GNAL: variants seen among roughly 807,000 people sequenced by gnomAD.
The protein encoded by GNAL is G protein subunit alpha L.
GNAL carries 18 observed loss-of-function variants against 55.1 expected under a neutral mutation model. The observed-to-expected ratio is 0.33, with a 90% CI of 0.23 to 0.48. GNAL has a LOEUF of 0.48. Among genes scored for constraint, GNAL ranks in the 20% least tolerant of loss-of-function variants. GNAL has a pLI of 0.99. For missense variants in GNAL, 412 were observed against 614.1 expected (o/e 0.67, Z 3.48); for synonymous variants, 253 against 237.0 (o/e 1.07, Z -0.62).
intron 1 of GNAL, among the ~76,000 whole-genome samples, chr18:11,744,439 A>C (rs534238303): frequency 6.6e-6 from 1 of 152,354 alleles, no homozygotes; most frequent in East Asian, 1.9e-4. Context: ...AGTGTACTAT[A>C]ATTAGGTCAC....
chr18:11,879,269 C>T (rs967822318), intron 11 of GNAL, among the ~76,000 whole-genome samples: 3 of 151,748 alleles, frequency 2.0e-5, no homozygotes, highest in Non-Finnish European at 4.4e-5. Context: ...TTCTGTGGTC[C>T]AAGCAGCTCT....
intron 1 of GNAL, among the ~76,000 whole-genome samples, chr18:11,748,710 A>G (rs2051424503): frequency 6.6e-6 from 1 of 152,280 alleles, no homozygotes; most frequent in Admixed American, 6.5e-5. Flanking sequence ...TAAGTTTTCA[A>G]GGGATTTATT....
chr18:11,828,789 C>G, intron 5 of GNAL, among the ~76,000 whole-genome samples: 1 of 152,132 alleles, frequency 6.6e-6, no homozygotes, highest in East Asian at 1.9e-4. Context: ...ATAGGCAGAT[C>G]GGAATTCAGA....
intron 1 of GNAL, among the ~76,000 whole-genome samples, chr18:11,702,765 A>T (rs2031603640): frequency 6.6e-6 from 1 of 151,548 alleles, no homozygotes; most frequent in Non-Finnish European, 1.5e-5. Flanking sequence ...TGCCCCAGTG[A>T]GAAGGGAGGC....
At chr18:11,711,387 A>G (rs2031836562) in intron 1 of GNAL, among the ~76,000 whole-genome samples, 1 of 151,424 alleles carries the variant, frequency 6.6e-6, no homozygotes, top group Admixed American at 6.6e-5. Flanking sequence ...GGCTATCTTC[A>G]ATTTTTCATT....
rs1247652868 is a variant in GNAL, at chr18:11,752,064, G to A, written c.377-789G>A. ...GGCGGGGCTGAGCGAGGCTTGGAGTGCGGGCGAAGGGACGTGGGGCGAACC... is the reference window on the plus strand; with the variant it reads ...GGCGGGGCTGAGCGAGGCTTGGAGTACGGGCGAAGGGACGTGGGGCGAACC... On this transcript the variant is annotated intron_variant, in intron 1 of 11. Coordinates refer to ENST00000334049, the MANE Select transcript of GNAL (RefSeq NM_182978.4). This position sits in a 1 kb window ranked among gnomAD's most constrained non-coding sequence, Gnocchi z 4.5. The A allele has an allele frequency of 1.9e-5, 3 of 158,360 alleles. No homozygotes were observed. The highest frequency in any genetic ancestry group is 1.3e-4 in the Admixed American group (2 of 15,398). 9.8% of individuals were successfully genotyped at this position (158,360 alleles called of 1,614,324 possible).
chr18:11,726,963 A>G (rs2032226495), intron 1 of GNAL, among the ~76,000 whole-genome samples: 1 of 151,668 alleles, frequency 6.6e-6, no homozygotes, highest in African/African-American at 2.4e-5. Context: ...GTTAGAAAAC[A>G]TTTGAGATCA....
At chr18:11,741,093 A>G (rs904433165) in intron 1 of GNAL, among the ~76,000 whole-genome samples, 2 of 152,256 alleles carry the variant, frequency 1.3e-5, no homozygotes, top group African/African-American at 4.8e-5. Flanking sequence ...GCAAAGAGAT[A>G]ATTAATTCAT....
chr18:11,727,330 A>C (rs1388278485), intron 1 of GNAL, among the ~76,000 whole-genome samples: 1 of 152,130 alleles, frequency 6.6e-6, no homozygotes, highest in African/African-American at 2.4e-5. Context: ...GCAGCCCCAG[A>C]CCCTGTCCCT....
rs903901410 is a variant in GNAL, at chr18:11,735,080, C to T, written c.377-17773C>T. On this transcript the variant is annotated intron_variant, in intron 1 of 11. Transcript: ENST00000334049. ...GGGGGTTTTTTTTGAGATGGAGTTT[C>T]GCCCTTATCACCCAGGTTATAGTGC... 3.3e-5 allele frequency among the ~76,000 whole-genome samples: 5 copies of T among 150,900 alleles called. No individual in the cohort carries two copies. In the South Asian group the frequency reaches 8.4e-4, roughly 25 times the overall value.
At chr18:11,721,109 T>G (rs763075793) in intron 1 of GNAL, among the ~76,000 whole-genome samples, 1 of 152,176 alleles carries the variant, frequency 6.6e-6, no homozygotes, top group Non-Finnish European at 1.5e-5. Flanking sequence ...CAATAAAACT[T>G]TACCACTGCT....
At chr18:11,692,988 A>T (rs903333162) in intron 1 of GNAL, among the ~76,000 whole-genome samples, 3 of 152,238 alleles carry the variant, frequency 2.0e-5, no homozygotes, top group Non-Finnish European at 2.9e-5. Flanking sequence ...CAAAATTTTT[A>T]AAATGCATCA....
intron 1 of GNAL, among the ~76,000 whole-genome samples, chr18:11,693,066 CA>C (rs201302456): frequency 7.6e-4 from 93 of 121,594 alleles, no homozygotes; most frequent in South Asian, 1.3e-3. Flanking sequence ...AAGAAACTGA[CA>C]AAAAAAAATA....
chr18:11,849,843 T>C (rs566157645), intron 5 of GNAL, among the ~76,000 whole-genome samples: 22 of 152,336 alleles, frequency 1.4e-4, no homozygotes, highest in African/African-American at 5.3e-4. Context: ...AGCAACGCCA[T>C]CTGGATTCAG....
At chr18:11,700,389 C>CA (rs2031537978) in intron 1 of GNAL, among the ~76,000 whole-genome samples, 1 of 152,254 alleles carries the variant, frequency 6.6e-6, no homozygotes, top group Non-Finnish European at 1.5e-5. Flanking sequence ...GGGGCACACA[C>CA]ACACTGCTCC....
At chr18:11,746,834 C>T (rs1417918699) in intron 1 of GNAL, 7 of 508,056 alleles carry the variant, frequency 1.4e-5, no homozygotes, top group Non-Finnish European at 2.4e-5. Flanking sequence ...AGTGGCAGAT[C>T]GTATTGGAAG....
At chr18:11,764,346 A>G (rs1289293923) in intron 4 of GNAL, among the ~76,000 whole-genome samples, 2 of 152,062 alleles carry the variant, frequency 1.3e-5, no homozygotes, top group African/African-American at 4.8e-5. Flanking sequence ...ACCTTAAGTA[A>G]TCCGCCCACC....
chr18:11,851,272 A>C (rs1472534464), intron 5 of GNAL: 1 of 484,480 alleles, frequency 2.1e-6, no homozygotes, highest in African/African-American at 2.0e-5. Context: ...GTCCAGCCAG[A>C]ATCCCCCTGC....
intron 1 of GNAL, 75 bp downstream of exon 1, chr18:11,690,014 G>A (rs1184548910): frequency 4.5e-6 from 4 of 897,240 alleles, no homozygotes; most frequent in Middle Eastern, 4.0e-4. Flanking sequence ...GGGCACCGGG[G>A]AGCGGTGGCG....
Sources: gnomAD v4.1 joint callset for allele counts (sites outside exome capture counted in the v4.1 genomes callset) on GRCh38, gnomAD v4.1.1 for gene constraint, Gnocchi (gnomAD v3.1) non-coding constraint, MANE v1.5 for transcripts, NCBI Gene and HGNC (gene_info 2026-07-23, HGNC 2026-07-21) for gene names.